Variants in PKHD1 observed in about 807,000 individuals in gnomAD.
PKHD1 encodes fibrocystin.
PKHD1 carries 291 observed loss-of-function variants against 412.0 expected under a neutral mutation model. The observed-to-expected ratio is 0.71, with a 90% CI of 0.64 to 0.78. The LOEUF (loss-of-function observed/expected upper bound fraction) is 0.78, where lower values mean the gene tolerates loss of function less well. Among genes scored for constraint, PKHD1 ranks in the 30% least tolerant of loss-of-function variants. The probability of loss-of-function intolerance (pLI) is 0.00; values close to 1 mark genes in which losing one functional copy is unlikely to be tolerated. For missense variants in PKHD1, 4,825 were observed against 4,950.7 expected (o/e 0.97, Z 0.76); for synonymous variants, 1,777 against 1,821.5 (o/e 0.98, Z 0.62).
Position 51,906,340 on chromosome 6 carries a change from T to C in PKHD1, c.6683A>G (p.Glu2228Gly), listed in dbSNP as rs778319086. The C allele has an allele frequency of 6.2e-7, 1 of 1,610,712 alleles. No homozygotes were observed. The highest frequency in any genetic ancestry group is 1.3e-5 in the African/African-American group (1 of 74,788). The change falls in exon 41 of 67, where the codon GAG becomes GGG. Residue 2228 changes from glutamate (E) to glycine (G), a missense_variant and splice_region_variant. Coordinates refer to ENST00000371117, the MANE Select transcript of PKHD1 (RefSeq NM_138694.4). ...CACTGTGCAGCCCTGTATGAAAGAC[T>C]CTGAATAGGAAAGAGTAAAGTAAAA... ...SSLTLVGAMR[E>G]SFIQGCTVRN...
intron 37 of PKHD1, among the ~76,000 whole-genome samples, chr6:51,929,101 T>C (rs1197822936): frequency 1.3e-5 from 2 of 152,136 alleles, no homozygotes; most frequent in East Asian, 1.9e-4. Context: ...GGAGACAGCA[T>C]TGGAGACTAT....
rs1412953018 is a variant in PKHD1 at position 52,058,576 on chromosome 6, C to A, written c.1259G>T (p.Gly420Val). ...TKVKVASISV[G>V]TADWFDSWEQ... ...CCAGGAGTCAAACCAGTCAGCAGTG[C>A]CGACGCTGATGGAGGCCACTTTCAC... is the stretch of plus-strand genomic sequence containing the variant. The change falls in exon 16 of 67, where the codon GGC becomes GTC. Residue 420 changes from glycine to valine, a missense_variant. Coordinates refer to ENST00000371117, the MANE Select transcript of PKHD1 (RefSeq NM_138694.4). 6.2e-7 allele frequency: 1 copy of A among 1,613,994 alleles called. No individual in the cohort carries two copies. Among genetic ancestry groups the A allele is most frequent in the African/African-American group, 1.3e-5 (1 of 74,924 alleles).
At chr6:51,660,557 T>G (rs1197456422) in intron 60 of PKHD1, among the ~76,000 whole-genome samples, 1 of 152,182 alleles carries the variant, frequency 6.6e-6, no homozygotes, top group Non-Finnish European at 1.5e-5. Context: ...TCTGAACAAC[T>G]GGCTATATAA....
At chr6:51,852,085 A>G (rs934004715) in intron 49 of PKHD1, among the ~76,000 whole-genome samples, 5 of 152,152 alleles carry the variant, frequency 3.3e-5, no homozygotes, top group African/African-American at 1.2e-4. Context: ...GCTGTGTCCC[A>G]GAGATTCTGA....
chr6:51,698,076 A>T (rs1779006934), intron 60 of PKHD1, among the ~76,000 whole-genome samples: 1 of 152,226 alleles, frequency 6.6e-6, no homozygotes, highest in South Asian at 2.1e-4. Context: ...CTGTGTTAAG[A>T]GTTATCAATG....
In PKHD1 at chr6:51,748,293, C is replaced by A; in HGVS notation, c.9323G>T (p.Gly3108Val). ...GSERLGFHIR[G>V]HKCSSCELLW... ...CAGTTCACAAGAGGAGCACTTGTGG[C>A]CTCGGATGTGAAAGCCAAGTCTCTC... Residue 3108 changes from glycine to valine, a missense_variant, in exon 58 of 67, where the codon GGC becomes GTC. Transcript: ENST00000371117. 1 of 1,613,992 alleles carries A rather than the reference C, an allele frequency of 6.2e-7. No individual in the cohort carries two copies. Among genetic ancestry groups the A allele is most frequent in the Non-Finnish European group, 8.5e-7 (1 of 1,179,946 alleles).
intron 37 of PKHD1, among the ~76,000 whole-genome samples, chr6:51,925,445 G>GTGTA (rs1375293844): frequency 1.2e-4 from 12 of 100,982 alleles, no homozygotes; most frequent in African/African-American, 4.2e-4. Flanking sequence ...CTTCGTGTGT[G>GTGTA]TGTGTGTGTA....
chr6:51,868,017 A>G lies in PKHD1; in HGVS notation c.7579T>C (p.Leu2527=), dbSNP rs1775363248. The G allele has an allele frequency of 1.2e-6, 2 of 1,612,978 alleles. No homozygotes were observed. Among genetic ancestry groups the G allele is most frequent in the Non-Finnish European group, 8.5e-7 (1 of 1,178,996 alleles). Residue 2527 remains leucine, a synonymous_variant, in exon 48 of 67, where the codon TTG becomes CTG. Transcript: ENST00000371117. ...PFPHAAILED[L]DGSLSGKNRS... ...TTTTTCCCAGACAGAGACCCATCCA[A>G]GTCTTCCAAAATTGCTGCATGAGGA...
At chr6:51,694,547 C>CCT (rs1778563850) in intron 60 of PKHD1, among the ~76,000 whole-genome samples, 2 of 55,466 alleles carry the variant, frequency 3.6e-5, no homozygotes, top group African/African-American at 6.5e-5. Flanking sequence ...CCACAACCAG[C>CCT]CTTTTTTTTT....
At chr6:51,802,099 T>C (rs775242509) in intron 52 of PKHD1, among the ~76,000 whole-genome samples, 23 of 152,180 alleles carry the variant, frequency 1.5e-4, no homozygotes, top group Non-Finnish European at 2.5e-4. Flanking sequence ...GGCTTTATTA[T>C]TATTGTTTTA....
chr6:51,661,775 C>G (rs1437777938), intron 60 of PKHD1, among the ~76,000 whole-genome samples: 3 of 151,952 alleles, frequency 2.0e-5, no homozygotes, highest in Non-Finnish European at 2.9e-5. Context: ...TTCACGAAAT[C>G]ATTCTGTATT....
At chr6:52,078,074 C>A (rs1291034000) in intron 5 of PKHD1, among the ~76,000 whole-genome samples, 1 of 152,146 alleles carries the variant, frequency 6.6e-6, no homozygotes, top group Non-Finnish European at 1.5e-5. Context: ...TAAGAGCCAC[C>A]ACTCAGTCTA....
chr6:52,083,480 A>G (rs1047995664), intron 2 of PKHD1, among the ~76,000 whole-genome samples: 3 of 152,230 alleles, frequency 2.0e-5, no homozygotes, highest in Non-Finnish European at 4.4e-5. Flanking sequence ...ACACATCATC[A>G]GAAGCCCCAT....
intron 53 of PKHD1, among the ~76,000 whole-genome samples, chr6:51,787,592 A>C (rs937155578): frequency 6.6e-6 from 1 of 152,204 alleles, no homozygotes; most frequent in Admixed American, 6.6e-5. Flanking sequence ...CAATACACAT[A>C]GCATTGGGCA....
Position 51,702,145 on chromosome 6 carries a change from T to TTATTATATATTATATATATTATATGTA in PKHD1, c.10157-42203_10157-42177dup, listed in dbSNP as rs1284018800. Among the ~76,000 whole-genome samples, 366 of 93,842 alleles carry TTATTATATATTATATATATTATATGTA rather than the reference T, an allele frequency of 3.9e-3. 2 individuals are homozygous for TTATTATATATTATATATATTATATGTA. The highest frequency in any genetic ancestry group is 0.012 in the African/African-American group (358 of 29,408). The allele number at this position is 93,842 out of a possible 152,430, so 61.6% of individuals were successfully genotyped here. On this transcript the variant is annotated intron_variant, in intron 60 of 66. Coordinates refer to ENST00000371117, the MANE Select transcript of PKHD1 (RefSeq NM_138694.4). The stretch of plus-strand genomic sequence containing the variant: ...TCAATCGAATGGATAAAAATACATA[T>TTATTATATATTATATATATTATATGTA]TATTATATATTATATATATTATATG...
intron 28 of PKHD1, 124 bp from the exon 29 acceptor site, chr6:52,033,289 T>C: frequency 1.3e-6 from 1 of 779,264 alleles, no homozygotes; most frequent in Middle Eastern, 2.6e-4. Context: ...TCCTAAAGGG[T>C]ATATTTCCTA....
At chr6:52,006,561 G>C (rs1338091673) in intron 35 of PKHD1, among the ~76,000 whole-genome samples, 2 of 152,106 alleles carry the variant, frequency 1.3e-5, no homozygotes, top group South Asian at 2.1e-4. Context: ...ATTTTTAGTA[G>C]AGATGGGGTT....
intron 35 of PKHD1, among the ~76,000 whole-genome samples, chr6:52,008,607 C>T (rs900452926): frequency 6.6e-6 from 1 of 152,098 alleles, no homozygotes; most frequent in Non-Finnish European, 1.5e-5. Flanking sequence ...GTCAAAGCAG[C>T]AAGCACTATA....
chr6:51,620,064 G>A (rs1404018695), intron 66 of PKHD1, among the ~76,000 whole-genome samples: 1 of 152,152 alleles, frequency 6.6e-6, no homozygotes, highest in Non-Finnish European at 1.5e-5. Context: ...AAAGAGAGAT[G>A]GCACATTACA....
Sources: gnomAD v4.1 joint callset for allele counts (sites outside exome capture counted in the v4.1 genomes callset) on GRCh38, gnomAD v4.1.1 for gene constraint, MANE v1.5 for transcripts, NCBI Gene and HGNC (gene_info 2026-07-23, HGNC 2026-07-21) for gene names.